SEC14L1: variants seen among roughly 807,000 people sequenced by gnomAD.
SEC14L1 encodes SEC14-like protein 1.
Under a neutral mutation model 85.3 loss-of-function variants are expected in SEC14L1, and 48 were observed. The observed-to-expected ratio is 0.56, with a 90% CI of 0.45 to 0.72. The LOEUF (loss-of-function observed/expected upper bound fraction) is 0.72, where lower values mean the gene tolerates loss of function less well. Ranked by LOEUF, SEC14L1 falls within the 30% of genes least tolerant of loss-of-function variation. The pLI is 0.00. For synonymous variants in SEC14L1, 391 were observed against 355.5 expected, an observed-to-expected ratio of 1.10 and a Z score of -1.12; for missense variants, 682 against 921.4, an observed-to-expected ratio of 0.74 and a Z score of 3.36.
At chr17:77,089,439 AG>A (rs939065554) in intron 2 of SEC14L1, 3 of 518,998 alleles carry the variant, frequency 5.8e-6, no homozygotes, top group Non-Finnish European at 1.2e-5. Flanking sequence ...TTGCAGTAAC[AG>A]GTGTGAGCAT....
rs190134862 is a variant in SEC14L1, at chr17:77,183,999, G to A, written c.64-6804G>A. Among the ~76,000 whole-genome samples the A allele has an allele frequency of 2.4e-4, 37 of 152,102 alleles. No homozygotes were observed. In the East Asian group the frequency reaches 7.0e-3, roughly 29 times the overall value. The stretch of plus-strand genomic sequence containing the variant: ...CATAGTTTCACCATGTTGGCCAGGC[G>A]GGTCTCGAACTCCTGACCTCAGGTG... On this transcript the variant is annotated intron_variant, in intron 3 of 16. Coordinates refer to ENST00000436233, the MANE Select transcript of SEC14L1 (RefSeq NM_001143998.2).
intron 3 of SEC14L1, among the ~76,000 whole-genome samples, chr17:77,165,765 C>T (rs1281207109): frequency 1.3e-5 from 2 of 151,840 alleles, no homozygotes; most frequent in Admixed American, 6.6e-5. Context: ...TTTTTTTAGT[C>T]GGCTAATTAT....
intron 3 of SEC14L1, among the ~76,000 whole-genome samples, chr17:77,182,255 T>C (rs1456563810): frequency 6.6e-6 from 1 of 152,202 alleles, no homozygotes; most frequent in Non-Finnish European, 1.5e-5. Context: ...CAAGTTGAAA[T>C]GTCGTCACAA....
At position 77,216,121 on chromosome 17, in the gene SEC14L1, TTAG is replaced by T. The variant is rs1977053322; in HGVS notation, c.*2102_*2104del. The stretch of plus-strand genomic sequence containing the variant: ...TAGTAGGTAGGGTTCGTAGGTAGGG[TTAG>T]TAGGTAGGGCTAGTAGGTAGGGTTC... On this transcript the variant is annotated 3_prime_UTR_variant, in exon 17 of 17. Transcript: ENST00000436233. 1.0e-6 allele frequency: 1 copy of T among 972,538 alleles called. No individual in the cohort carries two copies. The highest frequency in any genetic ancestry group is 4.3e-5 in the South Asian group (1 of 23,446). The allele number at this position is 972,538 out of a possible 1,614,324, so 60.2% of individuals were successfully genotyped here. A position where few individuals can be genotyped will look rare whatever the true frequency, so the allele number is the denominator to read the frequency against.
Position 77,216,775 on chromosome 17 carries a change from C to A in SEC14L1, c.*2752C>A. ...GACCGCACAAATGCTTACAGGGTTT[C>A]CTCCCGAGTAATCCAATCTCACTCC... On this transcript the variant is annotated 3_prime_UTR_variant, in exon 17 of 17. Coordinates refer to ENST00000436233, the MANE Select transcript of SEC14L1 (RefSeq NM_001143998.2). 1.2e-6 allele frequency: 1 copy of A among 800,486 alleles called. No homozygotes were observed. Among genetic ancestry groups the A allele is most frequent in the Non-Finnish European group, 1.9e-6 (1 of 521,514 alleles). 49.6% of individuals were successfully genotyped at this position (800,486 alleles called of 1,614,324 possible).
chr17:77,089,684 C>T (rs578214015), intron 2 of SEC14L1: 4 of 337,002 alleles, frequency 1.2e-5, no homozygotes, highest in East Asian at 8.8e-5. Flanking sequence ...GGAACTACAA[C>T]CCAGTTAGGG....
At chr17:77,156,194 C>T (rs1973810227) in intron 3 of SEC14L1, among the ~76,000 whole-genome samples, 2 of 152,154 alleles carry the variant, frequency 1.3e-5, no homozygotes, top group African/African-American at 4.8e-5. Context: ...GGTCCTGACA[C>T]TCCACTGGTC....
chr17:77,155,536 C>T lies in SEC14L1; in HGVS notation c.63+11877C>T, dbSNP rs115231780. 4.3e-3 allele frequency among the ~76,000 whole-genome samples: 660 copies of T among 152,244 alleles called. 4 individuals carry two copies. The highest frequency in any genetic ancestry group is 0.014 in the African/African-American group (601 of 41,534). ...CTGGCAGAGATGTCTCCTGGATGGG[C>T]GCTCACTTTGCTCTTCTGTAGCCTT... On this transcript the variant is annotated intron_variant, in intron 3 of 16. Transcript: ENST00000436233.
At chr17:77,157,156 T>A (rs1411220048) in intron 3 of SEC14L1, among the ~76,000 whole-genome samples, 1 of 152,214 alleles carries the variant, frequency 6.6e-6, no homozygotes, top group Non-Finnish European at 1.5e-5. Context: ...AATGCTTGTG[T>A]ATGTATTAAA....
rs12601575 is a variant in SEC14L1, at chr17:77,126,893, C to T, written c.-135-15753C>T. ...ACCTTTTTCACTGCTCTGGGCTTGA[C>T]GAGGCTGATACCACTGCCGGGAGAG... On this transcript the variant is annotated intron_variant, in intron 3 of 19. Transcript: ENST00000392476. 1.7e-3 allele frequency among the ~76,000 whole-genome samples: 259 copies of T among 152,162 alleles called. 3 individuals carry two copies. The East Asian group carries it at 0.036, about 21-fold the overall frequency.
chr17:77,173,793 G>A lies in SEC14L1; in HGVS notation c.64-17010G>A, dbSNP rs185229719. Among the ~76,000 whole-genome samples, 305 of 152,244 alleles carry A rather than the reference G, an allele frequency of 2.0e-3. 5 individuals are homozygous for A. The South Asian group carries it at 0.043, about 21-fold the overall frequency. On this transcript the variant is annotated intron_variant, in intron 3 of 16. Coordinates refer to ENST00000436233, the MANE Select transcript of SEC14L1 (RefSeq NM_001143998.2). ...AGCAGGAGACCTAAGGGGCTGTCCC[G>A]GGAAATTCTATTGTCTTGCTTGGGG...
chr17:77,172,885 G>A (rs1306583579), intron 3 of SEC14L1, among the ~76,000 whole-genome samples: 9 of 152,138 alleles, frequency 5.9e-5, no homozygotes, highest in Admixed American at 5.2e-4. Flanking sequence ...AGTAGGCTGC[G>A]TTGTTACTAT....
chr17:77,144,473 A>G (rs1973189748), intron 3 of SEC14L1, among the ~76,000 whole-genome samples: 1 of 152,186 alleles, frequency 6.6e-6, no homozygotes, highest in Non-Finnish European at 1.5e-5. Flanking sequence ...TGTTCCTTCT[A>G]TAAATAGAAA....
intron 10 of SEC14L1, 80 bp from the exon 11 acceptor site, chr17:77,205,196 G>T (rs1051906610): frequency 1.1e-5 from 13 of 1,191,816 alleles, no homozygotes; most frequent in Non-Finnish European, 1.6e-5. Context: ...TACGCTGTTA[G>T]TGTCCCTCTT....
At chr17:77,204,607 C>A (rs1381609904) in intron 10 of SEC14L1, among the ~76,000 whole-genome samples, 9 of 133,396 alleles carry the variant, frequency 6.7e-5, no homozygotes, top group African/African-American at 2.5e-4. Flanking sequence ...AGTGTCTATT[C>A]GTGGGTGTCA....
intron 3 of SEC14L1, among the ~76,000 whole-genome samples, chr17:77,127,136 C>T (rs564311701): frequency 6.6e-6 from 1 of 151,992 alleles, no homozygotes; most frequent in East Asian, 1.9e-4. Flanking sequence ...CTCCCCTCAC[C>T]CCTCACCCCC....
chr17:77,211,998 G>A lies in SEC14L1; in HGVS notation c.1660G>A (p.Asp554Asn), dbSNP rs1402210474. 1.9e-6 allele frequency: 3 copies of A among 1,614,080 alleles called. No homozygotes were observed. Among genetic ancestry groups the A allele is most frequent in the Non-Finnish European group, 1.7e-6 (2 of 1,180,024 alleles). Residue 554 changes from aspartate (D) to asparagine (N), a missense_variant, in exon 15 of 17, where the codon GAC becomes AAC. By Grantham distance (23) the Asp-to-Asn change is conservative. Around this residue, in one of 3 missense-constraint regions of SEC14L1, gnomAD observed 420 missense variants for 619.5 expected, o/e 0.68. Coordinates refer to ENST00000436233, the MANE Select transcript of SEC14L1 (RefSeq NM_001143998.2). Reference sequence around the variant, plus strand: ...CTCGTCAGTCATCACTTGGGATTTCGACGTGTGCAAAGGGGACATTGTGTT... The same window carrying A: ...CTCGTCAGTCATCACTTGGGATTTCAACGTGTGCAAAGGGGACATTGTGTT... ...DASSVITWDF[D>N]VCKGDIVFNI...
intron 10 of SEC14L1, 23 bp downstream of exon 10, chr17:77,203,681 C>T: frequency 6.3e-7 from 1 of 1,587,312 alleles, no homozygotes; most frequent in South Asian, 1.1e-5. Context: ...CTGCGAGACT[C>T]CAGGTGCCAC....
Position 77,194,787 on chromosome 17 carries a change from A to C in SEC14L1, c.585A>C (p.Ser195=), listed in dbSNP as rs1277785950. The C allele has an allele frequency of 6.2e-7, 1 of 1,614,042 alleles. No homozygotes were observed. The highest frequency in any genetic ancestry group is 8.5e-7 in the Non-Finnish European group (1 of 1,180,028). The change falls in exon 7 of 17, where the codon TCA becomes TCC. Residue 195 remains serine (S), a synonymous_variant. Coordinates refer to ENST00000436233, the MANE Select transcript of SEC14L1 (RefSeq NM_001143998.2). ...SITTSSETSS[S]SSKKQAASMA... is the part of the protein sequence containing the mutation. ...CGACCTCTTCAGAGACATCTTCATC[A>C]TCCTCCAAGAAACAAGCAGCGTCCA... is the stretch of plus-strand genomic sequence containing the variant.
Sources: allele counts gnomAD v4.1 joint callset (sites outside exome capture counted in the v4.1 genomes callset), GRCh38; gene constraint gnomAD v4.1.1; regional missense constraint gnomAD v4.1.1; transcripts MANE v1.5; gene names NCBI Gene and HGNC (gene_info 2026-07-23, HGNC 2026-07-21).